Variants in ELP4 observed in about 807,000 individuals in gnomAD.
ELP4 encodes elongator complex protein 4.
A neutral mutation model predicts 48.9 loss-of-function variants in ELP4; 51 were observed. The ratio of observed to expected loss-of-function variants is 1.04; its 90% CI spans 0.83 to 1.32. The LOEUF (loss-of-function observed/expected upper bound fraction) is 1.32. Among genes scored for constraint, ELP4 ranks in the 40% most tolerant of loss-of-function variants. ELP4 has a pLI of 0.00. For synonymous variants in ELP4, 210 were observed against 189.2 expected, an observed-to-expected ratio of 1.11 and a Z score of -0.90; for missense variants, 519 against 514.6, an observed-to-expected ratio of 1.01 and a Z score of -0.08.
intron 9 of ELP4, among the ~76,000 whole-genome samples, chr11:31,713,960 A>G (rs1182515049): frequency 2.0e-5 from 3 of 152,160 alleles, no homozygotes; most frequent in Non-Finnish European, 2.9e-5. Flanking sequence ...TAGGAATGCT[A>G]TATAAGTGCT....
At chr11:31,611,846 G>T (rs1957986411) in intron 5 of ELP4, among the ~76,000 whole-genome samples, 1 of 152,152 alleles carries the variant, frequency 6.6e-6, no homozygotes, top group African/African-American at 2.4e-5. Context: ...CATTTTCTAT[G>T]GCAGAAGCTA....
intron 9 of ELP4, among the ~76,000 whole-genome samples, chr11:31,721,510 A>G (rs1034774599): frequency 6.6e-6 from 1 of 151,892 alleles, no homozygotes; most frequent in African/African-American, 2.4e-5. Flanking sequence ...TATCCTTTCT[A>G]AAACTGTGTA....
intron 9 of ELP4, among the ~76,000 whole-genome samples, chr11:31,665,655 C>CT (rs71060496): frequency 0.02 from 1,567 of 79,532 alleles, 33 homozygotes; most frequent in African/African-American, 0.032. Context: ...GTCTCTCTTC[C>CT]TTTTTTTTTT....
intron 5 of ELP4, among the ~76,000 whole-genome samples, chr11:31,625,128 A>G (rs531914713): frequency 6.6e-6 from 1 of 151,822 alleles, no homozygotes; most frequent in South Asian, 2.1e-4. Flanking sequence ...TACAATACAT[A>G]ATTATATGTG....
intron 3 of ELP4, among the ~76,000 whole-genome samples, chr11:31,570,270 A>G (rs1311636443): frequency 2.6e-5 from 4 of 152,108 alleles, no homozygotes; most frequent in Admixed American, 6.5e-5. Flanking sequence ...ACCAAATACC[A>G]TATGTTCTCA....
chr11:31,733,557 A>G (rs2134205532), intron 9 of ELP4, among the ~76,000 whole-genome samples: 2 of 152,182 alleles, frequency 1.3e-5, no homozygotes, highest in Middle Eastern at 3.4e-3. Flanking sequence ...AAAAAGGATT[A>G]AAAGAGATTA....
intron 9 of ELP4, among the ~76,000 whole-genome samples, chr11:31,699,888 T>C (rs975870053): frequency 1.3e-5 from 2 of 152,110 alleles, no homozygotes; most frequent in Non-Finnish European, 2.9e-5. Flanking sequence ...AAGTTTATGA[T>C]TAGCCTACAG....
At chr11:31,555,750 G>A (rs760688169) in intron 3 of ELP4, among the ~76,000 whole-genome samples, 5 of 151,848 alleles carry the variant, frequency 3.3e-5, no homozygotes, top group Non-Finnish European at 5.9e-5. Flanking sequence ...TGTAAAAAAT[G>A]ATATTGAATA....
intron 6 of ELP4, chr11:31,628,466 C>G (rs1281174087): frequency 6.8e-6 from 1 of 146,562 alleles, no homozygotes; most frequent in Non-Finnish European, 1.5e-5. Flanking sequence ...CACACACACA[C>G]ACAGATATAC....
intron 2 of ELP4, among the ~76,000 whole-genome samples, chr11:31,537,598 A>C (rs546302956): frequency 6.6e-6 from 1 of 152,222 alleles, no homozygotes; most frequent in Non-Finnish European, 1.5e-5. Flanking sequence ...TAGAAAACTT[A>C]AAAGTCATGG....
chr11:31,747,863 A>G (rs1411394253), intron 9 of ELP4, among the ~76,000 whole-genome samples: 3 of 152,360 alleles, frequency 2.0e-5, no homozygotes, highest in African/African-American at 7.2e-5. Flanking sequence ...CAAGCAACCT[A>G]GCAGACAGGT....
chr11:31,594,976 G>A, intron 4 of ELP4, 75 bp downstream of exon 4: 1 of 1,190,606 alleles, frequency 8.4e-7, no homozygotes, highest in Non-Finnish European at 1.2e-6. Flanking sequence ...CTTGTGGTAT[G>A]CCTATATGTG....
At chr11:31,543,991 G>A (rs1956642763) in intron 3 of ELP4, among the ~76,000 whole-genome samples, 1 of 152,204 alleles carries the variant, frequency 6.6e-6, no homozygotes, top group African/African-American at 2.4e-5. Context: ...TCAAAATAAT[G>A]CCAAATGTGG....
At chr11:31,709,665 T>C (rs1946700825) in intron 9 of ELP4, among the ~76,000 whole-genome samples, 1 of 152,122 alleles carries the variant, frequency 6.6e-6, no homozygotes, top group Non-Finnish European at 1.5e-5. Context: ...TTATCTTGAA[T>C]AAAATAAGAT....
chr11:31,696,288 T>G (rs1946404479), intron 9 of ELP4, among the ~76,000 whole-genome samples: 1 of 152,212 alleles, frequency 6.6e-6, no homozygotes, highest in African/African-American at 2.4e-5. Flanking sequence ...TTTTCCTGCT[T>G]TCTCTTGTGG....
intron 6 of ELP4, among the ~76,000 whole-genome samples, chr11:31,630,087 A>C (rs893308803): frequency 6.6e-6 from 1 of 152,004 alleles, no homozygotes; most frequent in Non-Finnish European, 1.5e-5. Context: ...GAGGATGATA[A>C]CATAGGGTGT....
intron 9 of ELP4, among the ~76,000 whole-genome samples, chr11:31,735,159 C>CA (rs397776294): frequency 0.37 from 42,260 of 114,548 alleles, 6,830 homozygotes; most frequent in African/African-American, 0.49. Flanking sequence ...TATCCATTGG[C>CA]AAAAAAAAAA....
Position 31,783,769 on chromosome 11 carries a change from G to T in ELP4, c.*245G>T. On this transcript the variant is annotated 3_prime_UTR_variant, in exon 10 of 10. Coordinates refer to ENST00000640961, the MANE Select transcript of ELP4 (RefSeq NM_019040.5). ...TATTTTTAAATAAACGCCAAAAAAT[G>T]TCAAAATCTCAAGATTCCTGACAGT... 1 of 350,006 alleles carries T rather than the reference G, an allele frequency of 2.9e-6. No individual in the cohort carries two copies. The highest frequency in any genetic ancestry group is 4.3e-5 in the Admixed American group (1 of 23,040). The allele number at this position is 350,006 out of a possible 1,614,324, so 21.7% of individuals were successfully genotyped here.
At chr11:31,722,066 A>G (rs1043782034) in intron 9 of ELP4, among the ~76,000 whole-genome samples, 2 of 152,184 alleles carry the variant, frequency 1.3e-5, no homozygotes, top group Non-Finnish European at 2.9e-5. Context: ...TTTTGGGTGA[A>G]AAATTGTAAC....
Sources: allele counts gnomAD v4.1 joint callset (sites outside exome capture counted in the v4.1 genomes callset), GRCh38; gene constraint gnomAD v4.1.1; transcripts MANE v1.5; gene names NCBI Gene and HGNC (gene_info 2026-07-23, HGNC 2026-07-21).